The following NXPE2 variants were observed in gnomAD, a reference collection of about 807,000 sequenced individuals.
NXPE2 encodes NXPE family member 2.
Under a neutral mutation model 34.4 loss-of-function variants are expected in NXPE2, and 34 were observed. That is an observed-to-expected ratio of 0.99 (90% CI 0.75 to 1.31). The LOEUF is 1.31. Ranked by LOEUF, NXPE2 falls within the 40% of genes most tolerant of loss-of-function variation. The probability of loss-of-function intolerance (pLI) is 0.00; values close to 1 mark genes in which losing one functional copy is unlikely to be tolerated. For synonymous variants in NXPE2, 235 were observed against 231.3 expected, an observed-to-expected ratio of 1.02 and a Z score of -0.15; for missense variants, 649 against 672.5, an observed-to-expected ratio of 0.97 and a Z score of 0.39.
the NXPE2 span, among the ~76,000 whole-genome samples, chr11:114,809,746 AT>A: frequency 7.1e-4 from 82 of 115,446 alleles, no homozygotes; most frequent in Middle Eastern, 4.0e-3. Context: ...AATCAATATC[AT>A]GAAAATGGCC....
At chr11:114,631,164 C>G in the NXPE2 span, among the ~76,000 whole-genome samples, 2 of 151,992 alleles carry the variant, frequency 1.3e-5, no homozygotes, top group Admixed American at 1.3e-4. Flanking sequence ...CCAGCCATCC[C>G]ATTACTGGGT....
chr11:114,638,471 A>G, the NXPE2 span, among the ~76,000 whole-genome samples: 1 of 152,020 alleles, frequency 6.6e-6, no homozygotes, highest in African/African-American at 2.4e-5. Flanking sequence ...AACTCATCAA[A>G]GTCATTCTCC....
At chr11:114,615,866 C>T in the NXPE2 span, among the ~76,000 whole-genome samples, 1 of 151,590 alleles carries the variant, frequency 6.6e-6, no homozygotes, top group East Asian at 1.9e-4. Context: ...TGTGTAAGCA[C>T]TGTGACCTGG....
the NXPE2 span, among the ~76,000 whole-genome samples, chr11:114,772,949 T>C: frequency 6.6e-6 from 1 of 152,188 alleles, no homozygotes; most frequent in Non-Finnish European, 1.5e-5. Context: ...GATCTTATTT[T>C]TGGAGGGCAT....
the NXPE2 span, among the ~76,000 whole-genome samples, chr11:114,624,937 G>A: frequency 3.9e-5 from 6 of 152,130 alleles, no homozygotes; most frequent in South Asian, 8.3e-4. Flanking sequence ...TGGATAATAC[G>A]TGTTGCCTCG....
chr11:114,514,840 T>C, the NXPE2 span, among the ~76,000 whole-genome samples: 5 of 152,170 alleles, frequency 3.3e-5, no homozygotes, highest in Non-Finnish European at 7.3e-5. Flanking sequence ...TCTCTATGAC[T>C]GTATTTTTTG....
At chr11:114,764,992 C>T in the NXPE2 span, among the ~76,000 whole-genome samples, 1 of 152,090 alleles carries the variant, frequency 6.6e-6, no homozygotes, top group Non-Finnish European at 1.5e-5. Flanking sequence ...AACTCTGGAC[C>T]CCTGCTCCTT....
At chr11:114,566,423 G>A in the NXPE2 span, among the ~76,000 whole-genome samples, 1 of 152,168 alleles carries the variant, frequency 6.6e-6, no homozygotes, top group Admixed American at 6.6e-5. Context: ...AAAGGAAAGT[G>A]AGTGAGTGAA....
chr11:114,735,393 C>T, the NXPE2 span, among the ~76,000 whole-genome samples: 2 of 151,908 alleles, frequency 1.3e-5, no homozygotes, highest in East Asian at 3.9e-4. Flanking sequence ...ATTTTTCTCC[C>T]TCTCAAATAA....
chr11:114,567,435 T>C, the NXPE2 span, among the ~76,000 whole-genome samples: 2 of 151,980 alleles, frequency 1.3e-5, no homozygotes, highest in Non-Finnish European at 2.9e-5. Context: ...GATCTCTGCT[T>C]TCCAGTGAAA....
At chr11:114,565,421 A>G in the NXPE2 span, among the ~76,000 whole-genome samples, 1 of 152,228 alleles carries the variant, frequency 6.6e-6, no homozygotes, top group Non-Finnish European at 1.5e-5. Flanking sequence ...TCTTTAACAT[A>G]TGCTAGACGT....
the NXPE2 span, chr11:114,583,090 G>A: frequency 1.4e-6 from 2 of 1,477,272 alleles, no homozygotes; most frequent in Non-Finnish European, 9.1e-7. Flanking sequence ...ATGACAGGAA[G>A]TGTAACATGC....
chr11:114,626,144 C>A, the NXPE2 span, among the ~76,000 whole-genome samples: 2 of 152,260 alleles, frequency 1.3e-5, no homozygotes, highest in Non-Finnish European at 2.9e-5. Flanking sequence ...AACAAAGCAG[C>A]CGGGAAGCTC....
chr11:114,567,567 A>T, the NXPE2 span, among the ~76,000 whole-genome samples: 1 of 151,968 alleles, frequency 6.6e-6, no homozygotes. Flanking sequence ...TTTATCTTAT[A>T]GTCACTCATT....
At chr11:114,707,936 T>C (rs979586047), downstream of NXPE2, among the ~76,000 whole-genome samples, 14 of 152,220 alleles carry the variant, frequency 9.2e-5, no homozygotes, top group African/African-American at 3.4e-4. Context: ...GTTTATCCAT[T>C]CATTTGTTGA....
chr11:114,803,039 G>A, the NXPE2 span, among the ~76,000 whole-genome samples: 1 of 152,150 alleles, frequency 6.6e-6, no homozygotes, highest in South Asian at 2.1e-4. Context: ...TCTCAAGGAA[G>A]ATCAGACGAC....
the NXPE2 span, among the ~76,000 whole-genome samples, chr11:114,596,238 C>T: frequency 6.6e-6 from 1 of 152,142 alleles, no homozygotes; most frequent in East Asian, 1.9e-4. Context: ...ATATTAATTG[C>T]ATCTGAGACT....
the NXPE2 span, among the ~76,000 whole-genome samples, chr11:114,574,410 C>G: frequency 1.3e-5 from 2 of 151,408 alleles, no homozygotes; most frequent in African/African-American, 4.8e-5. Context: ...ATAAATGAAA[C>G]AAAAAGCTGG....
chr11:114,775,880 G>GAA, the NXPE2 span, among the ~76,000 whole-genome samples: 48,804 of 143,852 alleles, frequency 0.34, 9,326 homozygotes, highest in Non-Finnish European at 0.43. Flanking sequence ...ACAAAAAAAC[G>GAA]AAAAAAAAAA....
Sources: allele counts gnomAD v4.1 joint callset (sites outside exome capture counted in the v4.1 genomes callset), GRCh38; gene constraint gnomAD v4.1.1; transcripts MANE v1.5; gene names NCBI Gene and HGNC (gene_info 2026-07-23, HGNC 2026-07-21).